DNAJB14: variants seen among roughly 807,000 people sequenced by gnomAD.
DNAJB14 encodes the protein DnaJ heat shock protein family (Hsp40) member B14, also known as dnaJ homolog subfamily B member 14.
DNAJB14 carries 22 observed loss-of-function variants against 48.4 expected under a neutral mutation model. That is an observed-to-expected ratio of 0.45 (90% confidence interval 0.32 to 0.65). DNAJB14 has a LOEUF of 0.65. DNAJB14 is among the 30% of genes least tolerant of loss of function. The pLI is 0.03. For synonymous variants in DNAJB14, 142 were observed against 158.7 expected (o/e 0.89, Z 0.79); for missense variants, 319 against 458.8 (o/e 0.70, Z 2.78).
At chr4:99,937,029 T>C (rs921843676) in intron 1 of DNAJB14, among the ~76,000 whole-genome samples, 10 of 152,124 alleles carry the variant, frequency 6.6e-5, no homozygotes, top group Non-Finnish European at 1.3e-4. Context: ...AAGAAAAGAA[T>C]AACATCGCCA....
chr4:99,912,955 G>A (rs1356333962), intron 3 of DNAJB14, among the ~76,000 whole-genome samples: 1 of 152,130 alleles, frequency 6.6e-6, no homozygotes, highest in Non-Finnish European at 1.5e-5. Context: ...GATTGTAAAT[G>A]CTAATGTATT....
intron 1 of DNAJB14, among the ~76,000 whole-genome samples, chr4:99,934,937 C>T (rs1397064730): frequency 9.8e-6 from 1 of 101,548 alleles, no homozygotes; most frequent in Non-Finnish European, 1.9e-5. Flanking sequence ...ATAAATACAA[C>T]AGGATAATGC....
chr4:99,905,433 CT>C (rs1725429285), intron 6 of DNAJB14, among the ~76,000 whole-genome samples, 163 bp downstream of exon 6: 1 of 144,950 alleles, frequency 6.9e-6, no homozygotes, highest in South Asian at 2.1e-4. Context: ...AAATTTATTA[CT>C]TAAAGTAACT....
At chr4:99,934,813 A>G (rs1435374143) in intron 1 of DNAJB14, among the ~76,000 whole-genome samples, 2 of 147,858 alleles carry the variant, frequency 1.4e-5, no homozygotes, top group Admixed American at 6.8e-5. Flanking sequence ...AAAAAAAAAA[A>G]AAAAAAGAAA....
At position 99,908,829 on chromosome 4, in the gene DNAJB14, A is replaced by G. The variant is rs931865805; in HGVS notation, c.519T>C (p.Asn173=). Reference sequence around the variant, plus strand: ...TTTGGTGGTTACATGCTTGTTCTTCATTGCCCGTGAGGTCATACTGTTTTC... The same window carrying G: ...TTTGGTGGTTACATGCTTGTTCTTCGTTGCCCGTGAGGTCATACTGTTTTC... ...EKRKQYDLTG[N]EEQACNHQNN... The change falls in exon 4 of 8, where the codon AAT becomes AAC. Residue 173 remains asparagine (N), a synonymous_variant. Coordinates refer to ENST00000442697, the MANE Select transcript of DNAJB14 (RefSeq NM_001031723.4). 5 of 1,611,394 alleles carry G rather than the reference A, an allele frequency of 3.1e-6. No homozygotes were observed. The highest frequency in any genetic ancestry group is 1.1e-5 in the South Asian group (1 of 90,770).
chr4:99,923,469 G>A (rs893396348), intron 2 of DNAJB14, among the ~76,000 whole-genome samples: 3 of 152,036 alleles, frequency 2.0e-5, no homozygotes, highest in Non-Finnish European at 2.9e-5. Context: ...AATAATTGTG[G>A]ATGAAAGTCA....
intron 3 of DNAJB14, among the ~76,000 whole-genome samples, chr4:99,922,315 G>A (rs924598681): frequency 1.3e-5 from 2 of 152,056 alleles, no homozygotes; most frequent in African/African-American, 2.4e-5. Flanking sequence ...CCATTGTACT[G>A]TAAACATTAT....
intron 1 of DNAJB14, among the ~76,000 whole-genome samples, chr4:99,946,027 C>T (rs1462800350): frequency 6.6e-6 from 1 of 152,210 alleles, no homozygotes; most frequent in Non-Finnish European, 1.5e-5. Flanking sequence ...TAGAGTACAC[C>T]ATTCCTCTCA....
intron 5 of DNAJB14, chr4:99,906,214 T>C (rs1444487673): frequency 2.9e-6 from 4 of 1,356,998 alleles, no homozygotes; most frequent in East Asian, 4.0e-5. Flanking sequence ...TTCAAGTTTT[T>C]CAGTACTCTA....
rs191655765 is a variant in DNAJB14, at chr4:99,943,164, A to G, written c.133+3275T>C. 9.2e-5 allele frequency among the ~76,000 whole-genome samples: 14 copies of G among 152,290 alleles called. No individual in the cohort carries two copies. The East Asian group carries it at 2.7e-3, about 29-fold the overall frequency. ...TCCTGTGATGACATCTTCACTTTACATATAACTAAAGAAGGCTCAGAGGAG... is the reference window on the plus strand; with the variant it reads ...TCCTGTGATGACATCTTCACTTTACGTATAACTAAAGAAGGCTCAGAGGAG... On this transcript the variant is annotated intron_variant, in intron 1 of 7. Coordinates refer to ENST00000442697, the MANE Select transcript of DNAJB14 (RefSeq NM_001031723.4).
At chr4:99,904,888 G>GT (rs1257161986) in intron 6 of DNAJB14, among the ~76,000 whole-genome samples, 7 of 151,826 alleles carry the variant, frequency 4.6e-5, no homozygotes, top group Non-Finnish European at 1.0e-4. Context: ...AATATACTGT[G>GT]TTTTTATAAA....
intron 6 of DNAJB14, 106 bp downstream of exon 6, chr4:99,905,491 A>T (rs963980407): frequency 4.2e-6 from 3 of 713,212 alleles, no homozygotes; most frequent in African/African-American, 1.8e-5. Context: ...CACTTGCAGT[A>T]ATAGATTTGG....
At chr4:99,942,347 AAACT>A (rs1347140010) in intron 1 of DNAJB14, 1 of 152,020 alleles carries the variant, frequency 6.6e-6, no homozygotes, top group Non-Finnish European at 1.5e-5. Flanking sequence ...AAAAATCTAC[AAACT>A]ATTTCCCAAT....
intron 2 of DNAJB14, chr4:99,928,567 TC>T (rs1392961064): frequency 6.7e-6 from 3 of 445,222 alleles, no homozygotes; most frequent in Non-Finnish European, 1.4e-5. Context: ...TCAATGCTCT[TC>T]CTTCCTTATT....
chr4:99,939,339 G>A (rs1180882786), intron 1 of DNAJB14, among the ~76,000 whole-genome samples: 8 of 152,158 alleles, frequency 5.3e-5, no homozygotes, highest in Admixed American at 2.0e-4. Flanking sequence ...TCCGGCCTGG[G>A]CAACAGAGCG....
intron 3 of DNAJB14, among the ~76,000 whole-genome samples, chr4:99,919,972 G>A (rs1030195504): frequency 6.6e-6 from 1 of 152,136 alleles, no homozygotes; most frequent in Non-Finnish European, 1.5e-5. Context: ...TGCTCACAAT[G>A]AGTCTTCATC....
intron 1 of DNAJB14, among the ~76,000 whole-genome samples, chr4:99,931,302 A>C (rs1726459509): frequency 1.3e-5 from 2 of 152,156 alleles, no homozygotes; most frequent in South Asian, 4.1e-4. Flanking sequence ...TTTGCTTTTT[A>C]ATAATCTGGG....
rs1392608953 is a variant in DNAJB14 at position 99,904,019 on chromosome 4, G to A, written c.843-121C>T. 3.3e-5 allele frequency: 34 copies of A among 1,037,788 alleles called. No individual in the cohort carries two copies. The East Asian group carries it at 9.1e-4, about 28-fold the overall frequency. 64.3% of individuals were successfully genotyped at this position (1,037,788 alleles called of 1,614,324 possible). A position where few individuals can be genotyped will look rare whatever the true frequency, so the allele number is the denominator to read the frequency against. On this transcript the variant is annotated intron_variant, in intron 6 of 7. Transcript: ENST00000442697. The stretch of plus-strand genomic sequence containing the variant: ...AGTTAATATTGGTAATACAGGTTGA[G>A]CATCCCTAATCCGAAACTCTGAAAT...
At chr4:99,921,690 A>C (rs1726066662) in intron 3 of DNAJB14, among the ~76,000 whole-genome samples, 2 of 152,186 alleles carry the variant, frequency 1.3e-5, no homozygotes, top group South Asian at 4.1e-4. Flanking sequence ...TTTTGGGGGA[A>C]TATATGATAA....
Sources: allele counts gnomAD v4.1 joint callset (sites outside exome capture counted in the v4.1 genomes callset), GRCh38; gene constraint gnomAD v4.1.1; transcripts MANE v1.5; gene names NCBI Gene and HGNC (gene_info 2026-07-23, HGNC 2026-07-21).